Variants in PRKACB observed in about 807,000 individuals in gnomAD.
PRKACB encodes cAMP-dependent protein kinase catalytic subunit beta.
In PRKACB, 16 loss-of-function variants were observed where a neutral mutation model predicts 51.4. The ratio of observed to expected loss-of-function variants is 0.31; its 90% CI spans 0.21 to 0.47. The LOEUF (loss-of-function observed/expected upper bound fraction) is 0.47, where lower values mean the gene tolerates loss of function less well. Ranked by LOEUF, PRKACB falls within the 20% of genes least tolerant of loss-of-function variation. The pLI, the probability that PRKACB is intolerant of heterozygous loss-of-function variation, is 1.00. For missense variants in PRKACB, 309 were observed against 464.5 expected, an observed-to-expected ratio of 0.67 and a Z score of 3.08; for synonymous variants, 147 against 154.4, an observed-to-expected ratio of 0.95 and a Z score of 0.35.
At chr1:84,081,005 C>CT (rs1478444536) in intron 1 of PRKACB, among the ~76,000 whole-genome samples, 3 of 152,014 alleles carry the variant, frequency 2.0e-5, no homozygotes, top group Admixed American at 1.3e-4. Flanking sequence ...TAAGAGTTAC[C>CT]TGAAAGGCAA....
chr1:84,171,093 T>A (rs1659316886), intron 1 of PRKACB, among the ~76,000 whole-genome samples: 1 of 151,548 alleles, frequency 6.6e-6, no homozygotes, highest in African/African-American at 2.4e-5. Context: ...CATTTGGAGA[T>A]TTAAACATTT....
chr1:84,140,819 A>G (rs1197928080), upstream of PRKACB, among the ~76,000 whole-genome samples: 3 of 152,150 alleles, frequency 2.0e-5, no homozygotes, highest in Admixed American at 6.5e-5. Flanking sequence ...AGTGTCTTGC[A>G]GTACAAGAAA....
chr1:84,137,900 G>C (rs1652986060), intron 1 of PRKACB, among the ~76,000 whole-genome samples: 1 of 152,180 alleles, frequency 6.6e-6, no homozygotes, highest in Admixed American at 6.5e-5. Context: ...ATGCATTAGA[G>C]TTGGAAACCA....
chr1:84,089,038 G>A (rs1648247312), intron 1 of PRKACB, among the ~76,000 whole-genome samples: 1 of 152,124 alleles, frequency 6.6e-6, no homozygotes, highest in African/African-American at 2.4e-5. Context: ...TATAATTGTA[G>A]CACTTGTACT....
chr1:84,124,343 A>G (rs1651367732), intron 1 of PRKACB, among the ~76,000 whole-genome samples: 2 of 152,196 alleles, frequency 1.3e-5, no homozygotes, highest in South Asian at 2.1e-4. Context: ...TGGAACTTCT[A>G]TGCATGATTT....
At chr1:84,080,783 C>G (rs1647468703) in intron 1 of PRKACB, among the ~76,000 whole-genome samples, 2 of 150,826 alleles carry the variant, frequency 1.3e-5, no homozygotes, top group Non-Finnish European at 2.9e-5. Flanking sequence ...TTCAAAGATC[C>G]TGACCTCCGA....
rs140018204 is a variant in PRKACB, at chr1:84,226,055, A to G, written c.1072-9125A>G. Among the ~76,000 whole-genome samples, 23 of 152,190 alleles carry G rather than the reference A, an allele frequency of 1.5e-4. No homozygotes were observed. The East Asian group carries it at 3.7e-3, about 24-fold the overall frequency. On this transcript the variant is annotated intron_variant, in intron 9 of 9. Coordinates refer to ENST00000370685, the MANE Select transcript of PRKACB (RefSeq NM_182948.4). ...TTCTTTTTGTCTGTTCTTGTACTGTATATGTCACTGCTTTATGTAGCTTTA... is the reference window on the plus strand; with the variant it reads ...TTCTTTTTGTCTGTTCTTGTACTGTGTATGTCACTGCTTTATGTAGCTTTA...
At chr1:84,082,108 T>C (rs1033651284) in intron 1 of PRKACB, among the ~76,000 whole-genome samples, 3 of 152,228 alleles carry the variant, frequency 2.0e-5, no homozygotes, top group Non-Finnish European at 4.4e-5. Flanking sequence ...GAGTTATTCC[T>C]TCATTTATGG....
At chr1:84,173,361 A>G in intron 1 of PRKACB, 3 of 1,567,036 alleles carry the variant, frequency 1.9e-6, no homozygotes, top group Non-Finnish European at 2.6e-6. Flanking sequence ...TGGTAGGAAA[A>G]CCCCTTTTTT....
chr1:84,235,385 G>T lies in PRKACB; in HGVS notation c.*80G>T, dbSNP rs1311526670. 19 of 1,566,040 alleles carry T rather than the reference G, an allele frequency of 1.2e-5. No individual in the cohort carries two copies. In the South Asian group the frequency reaches 2.1e-4, roughly 17 times the overall value. On this transcript the variant is annotated 3_prime_UTR_variant, in exon 10 of 10. Transcript: ENST00000370685. ...ATAAGGTAGAGCTGAGACCGTCCTT[G>T]TTGAAGCAGTTACCTAGTTCCTTCA...
Position 84,191,059 on chromosome 1 carries a change from T to C in PRKACB, c.561-5557T>C, listed in dbSNP as rs1257166446. ...GATATGTGAGATTTTGATCCTGTTATTATGTTACCAGCTGATTGCTTTGCA... is the reference window on the plus strand; with the variant it reads ...GATATGTGAGATTTTGATCCTGTTACTATGTTACCAGCTGATTGCTTTGCA... On this transcript the variant is annotated intron_variant, in intron 5 of 9. Transcript: ENST00000370685. Among the ~76,000 whole-genome samples the C allele has an allele frequency of 5.3e-5, 8 of 152,082 alleles. No homozygotes were observed. In the East Asian group the frequency reaches 1.5e-3, roughly 29 times the overall value.
intron 7 of PRKACB, among the ~76,000 whole-genome samples, chr1:84,201,496 TAAAG>T (rs751760744): frequency 3.7e-4 from 56 of 152,220 alleles, no homozygotes; most frequent in Non-Finnish European, 7.4e-4. Context: ...ATCAAAAAGT[TAAAG>T]AGAGTTAATG....
intron 1 of PRKACB, among the ~76,000 whole-genome samples, chr1:84,138,090 C>T (rs116306715): frequency 2.1e-3 from 318 of 152,302 alleles, no homozygotes; most frequent in African/African-American, 7.1e-3. Context: ...TAAGACCATT[C>T]TCCAGTAAAA....
chr1:84,112,693 A>G (rs1024998669), intron 1 of PRKACB, among the ~76,000 whole-genome samples: 1 of 152,180 alleles, frequency 6.6e-6, no homozygotes, highest in African/African-American at 2.4e-5. Context: ...CTGACAACCC[A>G]GACTAGTACA....
chr1:84,198,697 A>G (rs535892202), intron 7 of PRKACB, among the ~76,000 whole-genome samples: 6 of 151,802 alleles, frequency 4.0e-5, no homozygotes, highest in Admixed American at 3.9e-4. Context: ...AAATGTGTAT[A>G]TATTGTAAAA....
Position 84,181,788 on chromosome 1 carries a change from A to G in PRKACB, c.250-412A>G, listed in dbSNP as rs539058555. 5.7e-4 allele frequency: 706 copies of G among 1,242,548 alleles called. 3 individuals carry two copies. In the South Asian group the frequency reaches 7.9e-3, roughly 14 times the overall value. 77.0% of individuals were successfully genotyped at this position (1,242,548 alleles called of 1,614,324 possible). A position where few individuals can be genotyped will look rare whatever the true frequency, so the allele number is the denominator to read the frequency against. On this transcript the variant is annotated intron_variant, in intron 2 of 9. Coordinates refer to ENST00000370685, the MANE Select transcript of PRKACB (RefSeq NM_182948.4). ...TATCTATTCATTACAGTTATTTGCA[A>G]GTGCATTAAGTCTGTATGGCTTCTA...
intron 9 of PRKACB, 133 bp downstream of exon 9, chr1:84,214,450 G>T: frequency 1.2e-6 from 1 of 836,948 alleles, no homozygotes; most frequent in Non-Finnish European, 1.7e-6. Context: ...AGGATCTAAA[G>T]TACTTTACAG....
At chr1:84,109,952 G>A (rs923710858) in intron 1 of PRKACB, among the ~76,000 whole-genome samples, 1 of 151,806 alleles carries the variant, frequency 6.6e-6, no homozygotes, top group African/African-American at 2.4e-5. Context: ...ATATAGTCAA[G>A]TATATGTTTT....
intron 1 of PRKACB, among the ~76,000 whole-genome samples, chr1:84,171,541 A>G (rs1659469579): frequency 6.6e-6 from 1 of 151,588 alleles, no homozygotes; most frequent in Non-Finnish European, 1.5e-5. Context: ...AAAAGAGAAA[A>G]TACTCTTAAA....
Sources: allele counts gnomAD v4.1 joint callset (sites outside exome capture counted in the v4.1 genomes callset), GRCh38; gene constraint gnomAD v4.1.1; transcripts MANE v1.5; gene names NCBI Gene and HGNC (gene_info 2026-07-23, HGNC 2026-07-21).